Variants in CRYBG3 observed in about 807,000 individuals in gnomAD.
CRYBG3 encodes crystallin beta-gamma domain containing 3.
In CRYBG3, 127 loss-of-function variants were observed where a neutral mutation model predicts 244.2. The observed-to-expected ratio is 0.52, with a 90% CI of 0.45 to 0.60. CRYBG3 has a LOEUF of 0.60. Ranked by LOEUF, CRYBG3 falls within the 20% of genes least tolerant of loss-of-function variation. The pLI is 0.00. For synonymous variants in CRYBG3, 1,132 were observed against 1,195.8 expected (o/e 0.95, Z 1.10); for missense variants, 3,325 against 3,442.5 (o/e 0.97, Z 0.85).
chr3:97,941,089 G>C, intron 19 of CRYBG3, 59 bp from the exon 20 acceptor site: 1 of 1,450,532 alleles, frequency 6.9e-7, no homozygotes, highest in Middle Eastern at 2.3e-4. Context: ...TCCTCCTCTG[G>C]AAGGATTCAT....
chr3:97,940,611 AAAC>A (rs2040217328), intron 19 of CRYBG3, among the ~76,000 whole-genome samples: 1 of 152,068 alleles, frequency 6.6e-6, no homozygotes, highest in South Asian at 2.1e-4. Flanking sequence ...TATAGTCATT[AAAC>A]ATACATGGTC....
At chr3:97,836,599 A>G (rs527507399) in intron 1 of CRYBG3, among the ~76,000 whole-genome samples, 101 of 152,232 alleles carry the variant, frequency 6.6e-4, no homozygotes, top group Middle Eastern at 3.4e-3. Context: ...AAATTATAGA[A>G]CTTGTCACGT....
chr3:97,835,847 T>C lies in CRYBG3; in HGVS notation c.150-7348T>C, dbSNP rs553464220. 2.6e-5 allele frequency among the ~76,000 whole-genome samples: 4 copies of C among 152,218 alleles called. No individual in the cohort carries two copies. In the South Asian group the frequency reaches 8.3e-4, roughly 32 times the overall value. ...TGAATGCTCCATTTTAGAAAGCAGCTAAAATACTGTTGTGAGTTCACATCA... is the reference window on the plus strand; with the variant it reads ...TGAATGCTCCATTTTAGAAAGCAGCCAAAATACTGTTGTGAGTTCACATCA... On this transcript the variant is annotated intron_variant, in intron 1 of 21. Transcript: ENST00000389622.
intron 7 of CRYBG3, 131 bp downstream of exon 7, chr3:97,881,350 A>T (rs1294832063): frequency 1.8e-6 from 1 of 559,640 alleles, no homozygotes; most frequent in African/African-American, 2.0e-5. Flanking sequence ...TACCATATTG[A>T]TAATCTTTTG....
rs969260996 is a variant in CRYBG3, at chr3:97,876,577, G to T, written c.5383G>T (p.Val1795Phe). ...EATYRKTAEE[V>F]IKNTEIVPCV... ...TACTTACCGAAAGACTGCTGAAGAG[G>T]TCATTAAGAATACTGAAATAGTACC... The change falls in exon 4 of 22, where the codon GTC becomes TTC. Residue 1795 changes from valine (V) to phenylalanine (F), a missense_variant. Transcript: ENST00000389622. 8.1e-7 allele frequency: 1 copy of T among 1,232,510 alleles called. No individual in the cohort carries two copies. The highest frequency in any genetic ancestry group is 1.0e-6 in the Non-Finnish European group (1 of 988,284). The allele number at this position is 1,232,510 out of a possible 1,614,324, so 76.3% of individuals were successfully genotyped here. A position where few individuals can be genotyped will look rare whatever the true frequency, so the allele number is the denominator to read the frequency against.
chr3:97,829,018 G>T (rs947447257), intron 1 of CRYBG3, among the ~76,000 whole-genome samples: 2 of 151,990 alleles, frequency 1.3e-5, no homozygotes, highest in Non-Finnish European at 2.9e-5. Context: ...GCAGGAGAAA[G>T]ACTGTCTTAT....
chr3:97,909,869 C>G (rs2039843200), intron 15 of CRYBG3, among the ~76,000 whole-genome samples: 1 of 146,054 alleles, frequency 6.8e-6, no homozygotes, highest in Admixed American at 6.8e-5. Context: ...TTTTCCCCAT[C>G]TTTGTGGTTT....
chr3:97,876,507 A>T lies in CRYBG3; in HGVS notation c.5313A>T (p.Lys1771Asn). 1 of 1,232,238 alleles carries T rather than the reference A, an allele frequency of 8.1e-7. No homozygotes were observed. The highest frequency in any genetic ancestry group is 1.0e-6 in the Non-Finnish European group (1 of 988,006). 76.3% of individuals were successfully genotyped at this position (1,232,238 alleles called of 1,614,324 possible). Residue 1771 changes from lysine (K) to asparagine (N), a missense_variant, in exon 4 of 22, where the codon AAA (lysine) becomes AAT (asparagine). Around this residue, in one of 4 missense-constraint regions of CRYBG3, gnomAD observed 635 missense variants for 771.7 expected, o/e 0.82. Coordinates refer to ENST00000389622, the MANE Select transcript of CRYBG3 (RefSeq NM_153605.4). ...TAAATACTTACCAAAAAAATGCCAA[A>T]GGTTTTACCGGGAACACTGAAGGGT... ...EVVNTYQKNA[K>N]GFTGNTEGSV... is the part of the protein sequence containing the mutation.
chr3:97,875,501 T>G lies in CRYBG3; in HGVS notation c.4307T>G (p.Leu1436Ter). ...LLAEDMSHKR[L>*]DDRVKTHLFR... ...GCTGAAGACATGTCACATAAACGGT[T>G]AGATGATAGGGTAAAAACACATTTA... Residue 1436 changes from leucine to a stop codon, truncating the protein, a stop_gained, in exon 4 of 22, where the codon TTA becomes TGA. Transcript: ENST00000389622. LOFTEE classifies it high-confidence loss of function. 3.3e-5 allele frequency: 43 copies of G among 1,286,212 alleles called. No individual in the cohort carries two copies. Among genetic ancestry groups the G allele is most frequent in the Non-Finnish European group, 3.7e-5 (38 of 1,022,236 alleles). 79.7% of individuals were successfully genotyped at this position (1,286,212 alleles called of 1,614,324 possible).
intron 10 of CRYBG3, among the ~76,000 whole-genome samples, chr3:97,890,845 A>T (rs2039568101): frequency 6.6e-6 from 1 of 152,172 alleles, no homozygotes; most frequent in African/African-American, 2.4e-5. Flanking sequence ...ACTTCCTCAT[A>T]CTTAATGCAG....
chr3:97,896,195 A>G (rs2039638563), intron 12 of CRYBG3, 110 bp downstream of exon 12: 5 of 1,059,456 alleles, frequency 4.7e-6, no homozygotes, highest in South Asian at 3.7e-5. Context: ...CTAACACCCA[A>G]GAGTATTAAC....
Position 97,881,142 on chromosome 3 carries a change from A to C in CRYBG3, c.7075A>C (p.Asn2359His), listed in dbSNP as rs746807002. ...GCTAGAAGAAGGGGAAAAGGTGTTAAATCGTGACTGGATTCTTCAGAACAG... is the reference window on the plus strand; with the variant it reads ...GCTAGAAGAAGGGGAAAAGGTGTTACATCGTGACTGGATTCTTCAGAACAG... ...CVLEEGEKVL[N>H]RDWILQNRRH... The change falls in exon 7 of 22, where the codon AAT becomes CAT. Residue 2359 changes from asparagine to histidine, a missense_variant. Transcript: ENST00000389622. 3 of 1,612,702 alleles carry C rather than the reference A, an allele frequency of 1.9e-6. No individual in the cohort carries two copies. The South Asian group carries it at 3.3e-5, about 18-fold the overall frequency.
chr3:97,854,170 T>C (rs2108189101), intron 2 of CRYBG3, among the ~76,000 whole-genome samples: 2 of 152,326 alleles, frequency 1.3e-5, no homozygotes, highest in Middle Eastern at 3.4e-3. Context: ...TTCTGTTCCT[T>C]TGGTCAACAT....
chr3:97,935,894 T>C (rs898333263), intron 18 of CRYBG3, among the ~76,000 whole-genome samples: 1 of 152,000 alleles, frequency 6.6e-6, no homozygotes. Context: ...TTTATCAAAA[T>C]AAAGCAAGGC....
intron 3 of CRYBG3, among the ~76,000 whole-genome samples, chr3:97,870,208 G>T (rs186942255): frequency 4.6e-5 from 7 of 152,238 alleles, no homozygotes; most frequent in Non-Finnish European, 7.4e-5. Context: ...ATTGCATGTT[G>T]TGAGGGTTTG....
In CRYBG3 at chr3:97,900,478, C is replaced by T. The variant is rs572414094; in HGVS notation, c.7997C>T (p.Pro2666Leu). 11 of 1,552,326 alleles carry T rather than the reference C, an allele frequency of 7.1e-6. No homozygotes were observed. The highest frequency in any genetic ancestry group is 3.4e-5 in the Admixed American group (2 of 59,388). The change falls in exon 15 of 22, where the codon CCG becomes CTG. Residue 2666 changes from proline to leucine, a missense_variant. Pro to Leu is a moderately conservative substitution (Grantham distance 98). Coordinates refer to ENST00000389622, the MANE Select transcript of CRYBG3 (RefSeq NM_153605.4). ...QLEPLGINEPPHLLKAFSKPG... is the reference protein window; with the variant it reads ...QLEPLGINEPLHLLKAFSKPG... ...GAACCACTTGGGATAAATGAACCTCCGCATTTGGTATGTTTAAAAATATTC... is the reference window on the plus strand; with the variant it reads ...GAACCACTTGGGATAAATGAACCTCTGCATTTGGTATGTTTAAAAATATTC...
At position 97,876,250 on chromosome 3, in the gene CRYBG3, G is replaced by A. The variant is rs941209112; in HGVS notation, c.5056G>A (p.Ala1686Thr). The A allele has an allele frequency of 8.9e-6, 11 of 1,231,834 alleles. No individual in the cohort carries two copies. The African/African-American group carries it at 1.6e-4, about 17-fold the overall frequency. The allele number at this position is 1,231,834 out of a possible 1,614,324, so 76.3% of individuals were successfully genotyped here. The change falls in exon 4 of 22, where the codon GCC becomes ACC. Residue 1686 changes from alanine to threonine, a missense_variant. By Grantham distance (58) the Ala-to-Thr change is moderately conservative. Transcript: ENST00000389622. Reference protein sequence around the residue: ...EGDIGKTGTIALSEVENIHQK... With the variant: ...EGDIGKTGTITLSEVENIHQK... ...GGATATTGGCAAGACTGGGACGATA[G>A]CCTTGTCAGAAGTGGAAAATATCCA...
chr3:97,917,249 GA>G (rs1253904766), intron 17 of CRYBG3, among the ~76,000 whole-genome samples: 2 of 148,188 alleles, frequency 1.3e-5, no homozygotes, highest in Admixed American at 1.4e-4. Flanking sequence ...AATAAACAGA[GA>G]TGTTTTCATG....
chr3:97,880,196 A>C, intron 6 of CRYBG3, 96 bp downstream of exon 6: 1 of 619,304 alleles, frequency 1.6e-6, no homozygotes, highest in Non-Finnish European at 2.8e-6. Context: ...TTGAAGTCAT[A>C]TTCTCCTTCC....
Sources: allele counts gnomAD v4.1 joint callset (sites outside exome capture counted in the v4.1 genomes callset), GRCh38; gene constraint gnomAD v4.1.1; regional missense constraint gnomAD v4.1.1; transcripts MANE v1.5; gene names NCBI Gene and HGNC (gene_info 2026-07-23, HGNC 2026-07-21).